Variants in SLCO5A1 observed in about 807,000 individuals in gnomAD.
SLCO5A1 encodes the protein solute carrier organic anion transporter family member 5A1.
In SLCO5A1, 39 loss-of-function variants were observed where a neutral mutation model predicts 65.1. That is an observed-to-expected ratio of 0.60 (90% CI 0.46 to 0.78). The LOEUF (loss-of-function observed/expected upper bound fraction) is 0.78. SLCO5A1 is among the 30% of genes least tolerant of loss of function. SLCO5A1 has a pLI of 0.00. For missense variants in SLCO5A1, 1,029 were observed against 1,069.4 expected (o/e 0.96, Z 0.53); for synonymous variants, 438 against 415.7 (o/e 1.05, Z -0.65).
chr8:69,815,647 A>AACACAC (rs55665513), intron 2 of SLCO5A1, among the ~76,000 whole-genome samples: 13,451 of 141,138 alleles, frequency 0.095, 632 homozygotes, highest in African/African-American at 0.13. Context: ...GTAAAATATC[A>AACACAC]ACACACACAC....
intron 6 of SLCO5A1, among the ~76,000 whole-genome samples, chr8:69,689,258 C>G (rs112281505): frequency 0.063 from 4,978 of 79,266 alleles, 372 homozygotes; most frequent in African/African-American, 0.16. Context: ...AGATGAGTAG[C>G]TTGCGAAAAT....
At chr8:69,676,539 T>G in intron 9 of SLCO5A1, 70 bp downstream of exon 9, 1 of 1,355,334 alleles carries the variant, frequency 7.4e-7, no homozygotes, top group Non-Finnish European at 1.0e-6. Flanking sequence ...TTGCCATTTT[T>G]AAAGGACAGT....
chr8:69,693,313 G>A (rs576391627), intron 6 of SLCO5A1, among the ~76,000 whole-genome samples: 1 of 152,300 alleles, frequency 6.6e-6, no homozygotes, highest in South Asian at 2.1e-4. Context: ...AAAAGACTGT[G>A]ATTCCATTTT....
rs772859101 is a variant in SLCO5A1, at chr8:69,832,606, G to A, written c.68C>T (p.Ala23Val). 6.2e-7 allele frequency: 1 copy of A among 1,612,010 alleles called. No homozygotes were observed. The highest frequency in any genetic ancestry group is 1.7e-5 in the Admixed American group (1 of 59,986). Reference protein sequence around the residue: ...EQLEAPATAEAVQERCEPETL... With the variant: ...EQLEAPATAEVVQERCEPETL... ...CTCCGGCTCGCACCTCTCTTGGACA[G>A]CTTCTGCAGTGGCCGGCGCCTCCAG... The change falls in exon 2 of 10, where the codon GCT (alanine) becomes GTT (valine). Residue 23 changes from alanine to valine, a missense_variant. Coordinates refer to ENST00000260126, the MANE Select transcript of SLCO5A1 (RefSeq NM_030958.3). The surrounding 1 kb of genome is among the most constrained non-coding windows in gnomAD (Gnocchi z 4.5).
chr8:69,695,010 A>G (rs1814437466), intron 6 of SLCO5A1, among the ~76,000 whole-genome samples: 1 of 152,246 alleles, frequency 6.6e-6, no homozygotes, highest in Non-Finnish European at 1.5e-5. Flanking sequence ...GGTGCCAGAC[A>G]TTCATTCATC....
At chr8:69,769,085 C>T (rs1273733725) in intron 2 of SLCO5A1, among the ~76,000 whole-genome samples, 1 of 152,110 alleles carries the variant, frequency 6.6e-6, no homozygotes, top group East Asian at 1.9e-4. Flanking sequence ...ATTCTTTCTC[C>T]AGAACATCCT....
At chr8:69,686,392 A>G (rs544163957) in intron 6 of SLCO5A1, among the ~76,000 whole-genome samples, 3 of 152,324 alleles carry the variant, frequency 2.0e-5, no homozygotes, top group African/African-American at 7.2e-5. Flanking sequence ...GCTTCATATG[A>G]GAACCCTTCT....
intron 5 of SLCO5A1, chr8:69,713,736 A>T (rs1287098364): frequency 6.6e-6 from 1 of 152,248 alleles, no homozygotes; most frequent in African/African-American, 2.4e-5. Flanking sequence ...AAAGTGTGAC[A>T]GATTGGAAGG....
In SLCO5A1 at chr8:69,755,469, C is replaced by T. The variant is rs138700050; in HGVS notation, c.1213G>A (p.Ala405Thr). ...CCCATCGAAGAAACTTTTTTGTCCGCTTGTTCACTGTTGTTTGATTTCTCC... is the reference window on the plus strand; with the variant it reads ...CCCATCGAAGAAACTTTTTTGTCCGTTTGTTCACTGTTGTTTGATTTCTCC... ...LKEKSNNSEQADKKVSSMGFG... is the reference protein window; with the variant it reads ...LKEKSNNSEQTDKKVSSMGFG... The change falls in exon 4 of 10, where the codon GCG (alanine) becomes ACG (threonine). Residue 405 changes from alanine to threonine, a missense_variant. This residue lies in a region of SLCO5A1 where 647 missense variants were observed against 647.5 expected (regional missense o/e 1.00). Transcript: ENST00000260126. 7.5e-4 allele frequency: 1,203 copies of T among 1,614,022 alleles called. 4 individuals are homozygous for T. Among genetic ancestry groups the T allele is most frequent in the African/African-American group, 5.9e-3 (442 of 75,042 alleles).
chr8:69,773,696 T>C (rs1818440254), intron 2 of SLCO5A1, among the ~76,000 whole-genome samples: 1 of 152,232 alleles, frequency 6.6e-6, no homozygotes, highest in East Asian at 1.9e-4. Context: ...CCATTTTCCT[T>C]TGGGGGTCAC....
At position 69,771,986 on chromosome 8, in the gene SLCO5A1, T is replaced by C. The variant is rs541648077; in HGVS notation, c.908-10111A>G. Among the ~76,000 whole-genome samples, 4 of 152,268 alleles carry C rather than the reference T, an allele frequency of 2.6e-5. No individual in the cohort carries two copies. In the East Asian group the frequency reaches 7.7e-4, roughly 29 times the overall value. On this transcript the variant is annotated intron_variant, in intron 2 of 9. Coordinates refer to ENST00000260126, the MANE Select transcript of SLCO5A1 (RefSeq NM_030958.3). Reference sequence around the variant, plus strand: ...GGGTTGACCTTCCCAATGGCTTCTCTAGAGATGGGGAGAAATTGCACCCTG... The same window carrying C: ...GGGTTGACCTTCCCAATGGCTTCTCCAGAGATGGGGAGAAATTGCACCCTG...
At chr8:69,820,097 A>G (rs577568729) in intron 2 of SLCO5A1, among the ~76,000 whole-genome samples, 8 of 152,246 alleles carry the variant, frequency 5.3e-5, no homozygotes, top group Non-Finnish European at 1.0e-4. Flanking sequence ...TTCCTCTCCC[A>G]TATAGCCTGG....
chr8:69,782,265 A>T (rs1818831844), intron 2 of SLCO5A1, among the ~76,000 whole-genome samples: 1 of 152,088 alleles, frequency 6.6e-6, no homozygotes, highest in Non-Finnish European at 1.5e-5. Flanking sequence ...CAAAAATTAT[A>T]AGTTATATAA....
At chr8:69,699,059 G>T (rs1027318175) in intron 6 of SLCO5A1, among the ~76,000 whole-genome samples, 1 of 152,136 alleles carries the variant, frequency 6.6e-6, no homozygotes, top group Non-Finnish European at 1.5e-5. Flanking sequence ...CATGATCAAG[G>T]CAAGTAGCAA....
At chr8:69,816,866 A>G (rs1820433444) in intron 2 of SLCO5A1, among the ~76,000 whole-genome samples, 1 of 152,232 alleles carries the variant, frequency 6.6e-6, no homozygotes, top group African/African-American at 2.4e-5. Flanking sequence ...AATGCTGCAT[A>G]GGCTGGGAGA....
In SLCO5A1 at chr8:69,832,715, A is replaced by T; in HGVS notation, c.-42T>A. The T allele has an allele frequency of 1.3e-6, 2 of 1,541,372 alleles. No homozygotes were observed. The highest frequency in any genetic ancestry group is 1.7e-6 in the Non-Finnish European group (2 of 1,151,878). On this transcript the variant is annotated 5_prime_UTR_variant, in exon 2 of 10. Transcript: ENST00000260126. The surrounding 1 kb of genome is among the most constrained non-coding windows in gnomAD (Gnocchi z 4.5). ...ATTTGATAGCTGATGGCACCCAAGC[A>T]CTCCGGCACGTTTCATCCACCGGCA...
At chr8:69,696,203 G>A (rs1303493937) in intron 6 of SLCO5A1, among the ~76,000 whole-genome samples, 2 of 152,198 alleles carry the variant, frequency 1.3e-5, no homozygotes, top group African/African-American at 2.4e-5. Context: ...CAGGTAAGAC[G>A]TGGACTGTGC....
intron 5 of SLCO5A1, among the ~76,000 whole-genome samples, chr8:69,728,046 G>A (rs759647774): frequency 2.0e-5 from 3 of 152,086 alleles, no homozygotes; most frequent in African/African-American, 4.8e-5. Context: ...ACAACCAAAC[G>A]CCCATCATTA....
At chr8:69,778,338 T>G (rs1489527355) in intron 2 of SLCO5A1, among the ~76,000 whole-genome samples, 1 of 151,870 alleles carries the variant, frequency 6.6e-6, no homozygotes, top group Non-Finnish European at 1.5e-5. Flanking sequence ...ATCTCAGGAA[T>G]AAAAGGAAGG....
Sources: gnomAD v4.1 joint callset for allele counts (sites outside exome capture counted in the v4.1 genomes callset) on GRCh38, gnomAD v4.1.1 for gene constraint, gnomAD v4.1.1 regional missense constraint, Gnocchi (gnomAD v3.1) non-coding constraint, MANE v1.5 for transcripts, NCBI Gene and HGNC (gene_info 2026-07-23, HGNC 2026-07-21) for gene names.